The following DENND1C variants were observed in gnomAD, a reference collection of about 807,000 sequenced individuals.
DENND1C encodes DENN domain-containing protein 1C.
Under a neutral mutation model 87.9 loss-of-function variants are expected in DENND1C, and 64 were observed. The observed-to-expected ratio is 0.73, with a 90% CI of 0.60 to 0.90. DENND1C has a LOEUF of 0.90. DENND1C is among the 40% of genes least tolerant of loss of function. The pLI, the probability that DENND1C is intolerant of heterozygous loss-of-function variation, is 0.00. For missense variants in DENND1C, 980 were observed against 1,037.0 expected (o/e 0.95, Z 0.76); for synonymous variants, 384 against 424.4 (o/e 0.90, Z 1.17).
rs971623414 is a variant in DENND1C at position 6,468,569 on chromosome 19, T to C, written c.1583+9A>G. On this transcript the variant is annotated intron_variant, in intron 21 of 22. Transcript: ENST00000381480. ...CACTTTCAACACTGCTGTTCCCTTTTTGCCTTACCCCGCCCCTGGGGGCTC... is the reference window on the plus strand; with the variant it reads ...CACTTTCAACACTGCTGTTCCCTTTCTGCCTTACCCCGCCCCTGGGGGCTC... The C allele has an allele frequency of 2.8e-5, 44 of 1,547,498 alleles. No homozygotes were observed. The highest frequency in any genetic ancestry group is 3.7e-5 in the Non-Finnish European group (42 of 1,147,164).
At position 6,473,006 on chromosome 19, in the gene DENND1C, T is replaced by C. The variant is rs748610230; in HGVS notation, c.1054-13A>G. The C allele has an allele frequency of 7.9e-6, 12 of 1,510,220 alleles. No individual in the cohort carries two copies. In the South Asian group the frequency reaches 1.3e-4, roughly 16 times the overall value. 93.6% of individuals were successfully genotyped at this position (1,510,220 alleles called of 1,614,324 possible). A position where few individuals can be genotyped will look rare whatever the true frequency, so the allele number is the denominator to read the frequency against. ...TCACTGGCTGGCCCTGGAAGAAGCG[T>C]TGGAGTTCTGAGCTCCCTGGGGTGC... On this transcript the variant is annotated splice_polypyrimidine_tract_variant and intron_variant, in intron 14 of 22. Coordinates refer to ENST00000381480, the MANE Select transcript of DENND1C (RefSeq NM_024898.4).
chr19:6,470,577 T>C (rs1487253586), intron 17 of DENND1C, among the ~76,000 whole-genome samples: 1 of 152,080 alleles, frequency 6.6e-6, no homozygotes, highest in Admixed American at 6.6e-5. Context: ...TGTTTTTGTT[T>C]TTGTTTTTTT....
chr19:6,471,160 G>A (rs557248775), intron 17 of DENND1C, 105 bp downstream of exon 17: 13 of 1,477,420 alleles, frequency 8.8e-6, no homozygotes, highest in East Asian at 7.4e-5. Context: ...TGCCCTAACC[G>A]GTCTCAAACT....
At chr19:6,481,558 C>G (rs1011188998) in intron 1 of DENND1C, 121 bp downstream of exon 1, 10 of 1,443,012 alleles carry the variant, frequency 6.9e-6, no homozygotes, top group Non-Finnish European at 7.6e-6. Context: ...TGATTCCAGC[C>G]ACCTGCCCTG....
chr19:6,468,452 A>G lies in DENND1C; in HGVS notation c.1584-11T>C. 1.9e-6 allele frequency: 3 copies of G among 1,608,428 alleles called. No individual in the cohort carries two copies. Among genetic ancestry groups the G allele is most frequent in the Non-Finnish European group, 2.5e-6 (3 of 1,177,398 alleles). ...CTCAGTGGGGGTGTCCTGGGTGAGG[A>G]TGGGCAGCCTCAGATATTTGCCCAA... On this transcript the variant is annotated splice_polypyrimidine_tract_variant and intron_variant, in intron 21 of 22. Coordinates refer to ENST00000381480, the MANE Select transcript of DENND1C (RefSeq NM_024898.4).
intron 18 of DENND1C, 84 bp from the exon 19 acceptor site, chr19:6,469,724 C>CT (rs372634707): frequency 0.063 from 80,850 of 1,288,382 alleles, 693 homozygotes; most frequent in Middle Eastern, 0.098. Flanking sequence ...CCTAAGATAG[C>CT]TTTTTTTTTT....
intron 14 of DENND1C, among the ~76,000 whole-genome samples, chr19:6,474,337 G>T (rs1382566529): frequency 6.6e-6 from 1 of 152,162 alleles, no homozygotes; most frequent in Non-Finnish European, 1.5e-5. Context: ...GGTGGTCTGT[G>T]TGCAGATTCA....
In DENND1C at chr19:6,467,996, G is replaced by A. The variant is rs774378168; in HGVS notation, c.1914C>T (p.Ser638=). The change falls in exon 23 of 23, where the codon TCC becomes TCT. Residue 638 remains serine, a synonymous_variant. Transcript: ENST00000381480. ...SLDATSSSKD[S]RSQLIPSESD... ...ACTCTGAGGGTATCAGCTGGGACCT[G>A]GAGTCCTTTGAAGAGCTGGTGGCAT... 1.4e-5 allele frequency: 22 copies of A among 1,613,858 alleles called. No homozygotes were observed. In the South Asian group the frequency reaches 2.4e-4, roughly 18 times the overall value.
At chr19:6,477,989 C>A (rs2092873072) in intron 6 of DENND1C, among the ~76,000 whole-genome samples, 1 of 151,606 alleles carries the variant, frequency 6.6e-6, no homozygotes, top group African/African-American at 2.4e-5. Flanking sequence ...GCGGAAGAAT[C>A]GCCTGAACCC....
chr19:6,481,400 A>C lies in DENND1C; in HGVS notation c.17+279T>G, dbSNP rs1913556042. Reference sequence around the variant, plus strand: ...CCTGAAGCCATCACTCAGACATACCAAGGACAAAGCTCAGAGGGGTACATG... The same window carrying C: ...CCTGAAGCCATCACTCAGACATACCCAGGACAAAGCTCAGAGGGGTACATG... On this transcript the variant is annotated intron_variant, in intron 1 of 22. Coordinates refer to ENST00000381480, the MANE Select transcript of DENND1C (RefSeq NM_024898.4). Among the ~76,000 whole-genome samples, 7 of 151,800 alleles carry C rather than the reference A, an allele frequency of 4.6e-5. 1 individual carries two copies. The highest frequency in any genetic ancestry group is 4.6e-4 in the Admixed American group (7 of 15,240).
rs547114642 is a variant in DENND1C at position 6,475,149 on chromosome 19, G to A, written c.1053+125C>T. 8 of 1,477,302 alleles carry A rather than the reference G, an allele frequency of 5.4e-6. No homozygotes were observed. In the South Asian group the frequency reaches 6.0e-5, roughly 11 times the overall value. 91.5% of individuals were successfully genotyped at this position (1,477,302 alleles called of 1,614,324 possible). A position where few individuals can be genotyped will look rare whatever the true frequency, so the allele number is the denominator to read the frequency against. On this transcript the variant is annotated intron_variant, in intron 14 of 22. Transcript: ENST00000381480. The stretch of plus-strand genomic sequence containing the variant: ...TGGGCTCAAGCAATTCTCCCATCTC[G>A]GCATCCCAAAGTGTTGGGATTACAG...
chr19:6,475,258 C>G lies in DENND1C; in HGVS notation c.1053+16G>C, dbSNP rs928395810. 1 of 1,612,360 alleles carries G rather than the reference C, an allele frequency of 6.2e-7. No homozygotes were observed. On this transcript the variant is annotated intron_variant, in intron 14 of 22. Transcript: ENST00000381480. ...GGAACCCACGAGACCTCTCCCGCAG[C>G]GTCCCCGCTGCTCACCGGGCTGCAG... is the stretch of plus-strand genomic sequence containing the variant.
At chr19:6,475,674 C>T (rs184284563) in intron 12 of DENND1C, 32 bp downstream of exon 12, 1 of 1,606,970 alleles carries the variant, frequency 6.2e-7, no homozygotes, top group East Asian at 2.2e-5. Context: ...GGAACCCTCA[C>T]GTCCCCGTCG....
chr19:6,468,483 C>T (rs765673797), intron 21 of DENND1C, 42 bp from the exon 22 acceptor site: 13 of 1,586,484 alleles, frequency 8.2e-6, no homozygotes, highest in Non-Finnish European at 1.0e-5. Flanking sequence ...CCCAAGACCC[C>T]CAGCCCTGGT....
intron 20 of DENND1C, 67 bp downstream of exon 20, chr19:6,468,779 G>A: frequency 7.0e-7 from 1 of 1,429,036 alleles, no homozygotes; most frequent in Non-Finnish European, 9.3e-7. Context: ...GTCTGGATGG[G>A]GACTGGGATG....
intron 4 of DENND1C, among the ~76,000 whole-genome samples, chr19:6,479,421 T>C (rs1439971487): frequency 6.6e-6 from 1 of 151,340 alleles, no homozygotes; most frequent in Non-Finnish European, 1.5e-5. Context: ...CTTGAGTCTC[T>C]GAGTCCCTGG....
chr19:6,473,816 G>GGGA (rs2092843942), intron 14 of DENND1C, among the ~76,000 whole-genome samples: 1 of 131,572 alleles, frequency 7.6e-6, no homozygotes, highest in Non-Finnish European at 1.6e-5. Flanking sequence ...GGGGGGTGGG[G>GGGA]GGAGGGAAAT....
At position 6,475,733 on chromosome 19, in the gene DENND1C, G is replaced by A. The variant is rs766864356; in HGVS notation, c.798C>T (p.Leu266=). The A allele has an allele frequency of 1.3e-5, 20 of 1,577,880 alleles. No individual in the cohort carries two copies. The highest frequency in any genetic ancestry group is 1.9e-5 in the Admixed American group (1 of 53,902). Residue 266 remains leucine (L), a synonymous_variant, in exon 12 of 23, where the codon CTC becomes CTT. Transcript: ENST00000381480. The stretch of plus-strand genomic sequence containing the variant: ...CGGCGAGACTGGCGTGCACTCCAAT[G>A]AGGTAGGGCATGGGCGCGCTGCGGA... The part of the protein sequence containing the change: ...LDYCCAPMPY[L]IGVHASLAER...
intron 1 of DENND1C, among the ~76,000 whole-genome samples, chr19:6,480,935 G>A (rs1329501842): frequency 2.0e-5 from 3 of 151,424 alleles, no homozygotes; most frequent in Non-Finnish European, 4.4e-5. Context: ...ATAGATGTGA[G>A]TGTGTGTGCC....
Sources: allele counts gnomAD v4.1 joint callset (sites outside exome capture counted in the v4.1 genomes callset), GRCh38; gene constraint gnomAD v4.1.1; transcripts MANE v1.5; gene names NCBI Gene and HGNC (gene_info 2026-07-23, HGNC 2026-07-21).